The following CTSG variants were observed in gnomAD, a reference collection of about 807,000 sequenced individuals.
CTSG encodes the protein cathepsin G.
Under a neutral mutation model 23.0 loss-of-function variants are expected in CTSG, and 23 were observed. The ratio of observed to expected loss-of-function variants is 1.00; its 90% CI spans 0.72 to 1.42. CTSG has a LOEUF of 1.42. CTSG is among the 40% of genes most tolerant of loss of function. The probability of loss-of-function intolerance (pLI) is 0.00; values close to 1 mark genes in which losing one functional copy is unlikely to be tolerated. For missense variants in CTSG, 312 were observed against 326.2 expected (o/e 0.96, Z 0.33); for synonymous variants, 140 against 130.4 (o/e 1.07, Z -0.50).
intron 4 of CTSG, 56 bp from the exon 5 acceptor site, chr14:24,573,866 T>TGA: frequency 1.3e-6 from 2 of 1,519,886 alleles, no homozygotes; most frequent in Non-Finnish European, 1.8e-6. Context: ...CCTGCTTCCC[T>TGA]GAGCTCCGGG....
In CTSG at chr14:24,576,241, C is replaced by A; in HGVS notation, c.-18G>T. 6.3e-7 allele frequency: 1 copy of A among 1,599,224 alleles called. No homozygotes were observed. Among genetic ancestry groups the A allele is most frequent in the Non-Finnish European group, 8.5e-7 (1 of 1,172,900 alleles). ...GGCTGCATCTTTCCTGAAAGGCTGC[C>A]CAGTCAGTTGCTGCTGTGCTTCCTC... On this transcript the variant is annotated 5_prime_UTR_variant, in exon 1 of 5. Transcript: ENST00000216336.
chr14:24,576,048 A>G, intron 1 of CTSG, 121 bp downstream of exon 1: 1 of 776,344 alleles, frequency 1.3e-6, no homozygotes, highest in Non-Finnish European at 2.2e-6. Context: ...CATTTTATAG[A>G]TGAGGAAACA....
At position 24,574,745 on chromosome 14, in the gene CTSG, G is replaced by A. The variant is rs61737120; in HGVS notation, c.269C>T (p.Thr90Ile). The change falls in exon 3 of 5, where the codon ACT becomes ATT. Residue 90 changes from threonine to isoleucine, a missense_variant. By Grantham distance (89) the Thr-to-Ile change is moderately conservative. Transcript: ENST00000216336. ...QRRENTQQHITARRAIRHPQY... is the reference protein window; with the variant it reads ...QRRENTQQHIIARRAIRHPQY... ...AGGGTGGCGGATGGCTCTGCGCGCA[G>A]TGATGTGTTGCTGGGTGTTTTCCCG... 3,806 of 1,614,198 alleles carry A rather than the reference G, an allele frequency of 2.4e-3. 79 individuals are homozygous for A. In the African/African-American group the frequency reaches 0.044, roughly 19 times the overall value.
intron 2 of CTSG, 187 bp downstream of exon 2, chr14:24,575,078 C>G (rs1276531517): frequency 2.8e-6 from 2 of 712,264 alleles, no homozygotes; most frequent in Non-Finnish European, 2.3e-6. Context: ...CCATCTCTTC[C>G]TCTTGCTCTT....
chr14:24,574,314 G>A lies in CTSG; in HGVS notation c.525C>T (p.Ile175=). 6.2e-7 allele frequency: 1 copy of A among 1,602,768 alleles called. No individual in the cohort carries two copies. The highest frequency in any genetic ancestry group is 8.5e-7 in the Non-Finnish European group (1 of 1,179,918). The change falls in exon 4 of 5, where the codon ATC becomes ATT. Residue 175 remains isoleucine (I), a synonymous_variant. Transcript: ENST00000216336. ...GCCTTCGGGGGTCGTAGGAACCGAA[G>A]ATGCGGAGGCACTGCCTATCCCTCT... ...RVQRDRQCLR[I]FGSYDPRRQI...
At chr14:24,575,434 T>C (rs2066737261) in intron 1 of CTSG, 22 bp from the exon 2 acceptor site, 2 of 1,613,762 alleles carry the variant, frequency 1.2e-6, no homozygotes, top group Admixed American at 1.7e-5. Flanking sequence ...CATTTGGCAC[T>C]TAGCTCTATG....
intron 3 of CTSG, 77 bp downstream of exon 3, chr14:24,574,598 C>G (rs1220541254): frequency 6.2e-7 from 1 of 1,611,630 alleles, no homozygotes; most frequent in East Asian, 2.2e-5. Flanking sequence ...CCCGCCACCC[C>G]GGAGCCTTGC....
intron 4 of CTSG, 65 bp from the exon 5 acceptor site, chr14:24,573,875 G>GA: frequency 1.3e-6 from 2 of 1,483,646 alleles, no homozygotes; most frequent in Non-Finnish European, 1.8e-6. Context: ...CTGAGCTCCG[G>GA]GCTCTCAGGG....
chr14:24,575,112 C>G, intron 2 of CTSG, 153 bp downstream of exon 2: 1 of 811,470 alleles, frequency 1.2e-6, no homozygotes, highest in Non-Finnish European at 1.9e-6. Context: ...TCCTTTCCTC[C>G]TCATTTACAC....
chr14:24,575,305 G>C lies in CTSG; in HGVS notation c.163C>G (p.Arg55Gly). The C allele has an allele frequency of 6.2e-7, 1 of 1,614,074 alleles. No homozygotes were observed. Among genetic ancestry groups the C allele is most frequent in the African/African-American group, 1.3e-5 (1 of 75,026 alleles). Residue 55 changes from arginine to glycine, a missense_variant, in exon 2 of 5, where the codon CGA (arginine) becomes GGA (glycine). Arg to Gly is a moderately radical substitution (Grantham distance 125, BLOSUM62 -2). Transcript: ENST00000216336. ...GCTGCTGTCAGCACAAAGTCTTCTC[G>C]CACCAGGAACCCTCCACATCTGCTC... Reference protein sequence around the residue: ...GQSRCGGFLVREDFVLTAAHC... With the variant: ...GQSRCGGFLVGEDFVLTAAHC...
chr14:24,574,528 C>G (rs1440530109), intron 3 of CTSG, 29 bp from the exon 4 acceptor site: 4 of 1,612,696 alleles, frequency 2.5e-6, no homozygotes, highest in Non-Finnish European at 3.4e-6. Context: ...CGTTCCCGCT[C>G]AGCTGGGGCC....
rs577683614 is a variant in CTSG at position 24,574,943 on chromosome 14, C to A, written c.204-133G>T. The A allele has an allele frequency of 2.3e-5, 27 of 1,150,730 alleles. No individual in the cohort carries two copies. In the African/African-American group the frequency reaches 3.3e-4, roughly 14 times the overall value. 71.3% of individuals were successfully genotyped at this position (1,150,730 alleles called of 1,614,324 possible). A position where few individuals can be genotyped will look rare whatever the true frequency, so the allele number is the denominator to read the frequency against. On this transcript the variant is annotated intron_variant, in intron 2 of 4. Transcript: ENST00000216336. ...GGGATGGGAGGGCCCTGGGGCTCAG[C>A]TGTATCCTCTTTCTCAGCAGCTCTG...
At position 24,575,247 on chromosome 14, in the gene CTSG, A is replaced by G; in HGVS notation, c.203+18T>C. ...GGGCTGTGTTCCTGGCTGGCCAGGA[A>G]GTTCCTTAGCTCCTCACCTTCCCCA... On this transcript the variant is annotated intron_variant, in intron 2 of 4. Transcript: ENST00000216336. The G allele has an allele frequency of 6.2e-7, 1 of 1,613,936 alleles. No homozygotes were observed.
intron 2 of CTSG, 86 bp downstream of exon 2, chr14:24,575,179 A>G (rs1358126753): frequency 2.6e-6 from 4 of 1,512,388 alleles, no homozygotes; most frequent in African/African-American, 1.4e-5. Context: ...TTTCATTGCT[A>G]CAACTCTTCT....
chr14:24,574,897 C>G, intron 2 of CTSG, 87 bp from the exon 3 acceptor site: 1 of 1,554,994 alleles, frequency 6.4e-7, no homozygotes, highest in Non-Finnish European at 8.8e-7. Flanking sequence ...GAGGGCAAGA[C>G]TGCAGCTAAC....
chr14:24,574,910 G>T, intron 2 of CTSG, 100 bp from the exon 3 acceptor site: 1 of 1,486,734 alleles, frequency 6.7e-7, no homozygotes, highest in Non-Finnish European at 9.3e-7. Context: ...CAGCTAACCA[G>T]AATCGAGGGG....
At chr14:24,575,705 T>C (rs74039131) in intron 1 of CTSG, among the ~76,000 whole-genome samples, 13,845 of 152,188 alleles carry the variant, frequency 0.091, 630 homozygotes, top group South Asian at 0.13. Flanking sequence ...AAGGCCAGCT[T>C]CAGCCTCAGG....
At chr14:24,576,022 G>GTATTAATAT (rs1278187250) in intron 1 of CTSG, 147 bp downstream of exon 1, 3 of 680,180 alleles carry the variant, frequency 4.4e-6, no homozygotes, top group Non-Finnish European at 5.2e-6. Flanking sequence ...TGCAAGATCG[G>GTATTAATAT]TATTAATATT....
In CTSG at chr14:24,573,647, G is replaced by T. The variant is rs201968893; in HGVS notation, c.758C>A (p.Thr253Asn). 1.6e-5 allele frequency: 26 copies of T among 1,613,618 alleles called. No homozygotes were observed. The highest frequency in any genetic ancestry group is 2.2e-5 in the Non-Finnish European group (26 of 1,179,794). Residue 253 changes from threonine (T) to asparagine (N), a missense_variant, in exon 5 of 5, where the codon ACC becomes AAC. Thr to Asn is a moderately conservative substitution (Grantham distance 65, BLOSUM62 0). Transcript: ENST00000216336. ...RSFKLLDQME[T>N]PL is the part of the protein sequence containing the mutation. ...GAGAAGAAGAGTCAGTCACAGGGGG[G>T]TCTCCATCTGATCCAGCAGTTTGAA...
Sources: allele counts gnomAD v4.1 joint callset (sites outside exome capture counted in the v4.1 genomes callset), GRCh38; gene constraint gnomAD v4.1.1; transcripts MANE v1.5; gene names NCBI Gene and HGNC (gene_info 2026-07-23, HGNC 2026-07-21).